PCDHGB2: variants seen among roughly 807,000 people sequenced by gnomAD.
PCDHGB2 encodes protocadherin gamma-B2.
In PCDHGB2, 55 loss-of-function variants were observed where a neutral mutation model predicts 59.3. The ratio of observed to expected loss-of-function variants is 0.93; its 90% CI spans 0.75 to 1.16. The LOEUF is 1.16. Among genes scored for constraint, PCDHGB2 ranks in the 50% most tolerant of loss-of-function variants. The pLI is 0.00. For synonymous variants in PCDHGB2, 516 were observed against 512.0 expected (o/e 1.01, Z -0.11); for missense variants, 1,228 against 1,198.5 (o/e 1.02, Z -0.36).
chr5:141,475,213 G>C (rs1359120020), intron 1 of PCDHGB2, among the ~76,000 whole-genome samples: 2 of 152,170 alleles, frequency 1.3e-5, no homozygotes, highest in African/African-American at 4.8e-5. Context: ...GAAAAGGATT[G>C]ATCAAGTAAA....
At chr5:141,395,497 A>T in intron 1 of PCDHGB2, 1 of 472,724 alleles carries the variant, frequency 2.1e-6, no homozygotes, top group Non-Finnish European at 3.7e-6. Flanking sequence ...TCACTCATTC[A>T]CTTAAGAAGT....
rs562011010 is a variant in PCDHGB2, at chr5:141,427,600, G to A, written c.2421+65044G>A. On this transcript the variant is annotated intron_variant, in intron 1 of 3. Coordinates refer to ENST00000522605, the MANE Select transcript of PCDHGB2 (RefSeq NM_018923.3). ...TCATCCAGCACAAGCCTCACCCTAC[G>A]CATTGGTGAAGTCAACGACAATGCT... The A allele has an allele frequency of 6.7e-5, 46 of 683,296 alleles. 1 individual carries two copies. The East Asian group carries it at 1.2e-3, about 18-fold the overall frequency. 42.3% of individuals were successfully genotyped at this position (683,296 alleles called of 1,614,324 possible). A position where few individuals can be genotyped will look rare whatever the true frequency, so the allele number is the denominator to read the frequency against.
intron 1 of PCDHGB2, chr5:141,388,880 G>T: frequency 1.2e-6 from 2 of 1,613,982 alleles, no homozygotes; most frequent in Non-Finnish European, 1.7e-6. Flanking sequence ...GCACAGTGGA[G>T]GTAGAAGTCA....
At position 141,492,010 on chromosome 5, in the gene PCDHGB2, G is replaced by A. The variant is rs2099736138; in HGVS notation, c.2422-2797G>A. 2 of 617,370 alleles carry A rather than the reference G, an allele frequency of 3.2e-6. 1 individual carries two copies. Among genetic ancestry groups the A allele is most frequent in the Middle Eastern group, 8.7e-4 (2 of 2,312 alleles). The allele number at this position is 617,370 out of a possible 1,614,324, so 38.2% of individuals were successfully genotyped here. On this transcript the variant is annotated intron_variant, in intron 1 of 3. Transcript: ENST00000522605. Reference sequence around the variant, plus strand: ...GGTGAATTTCGGGCGATTTCCGCGGGTGTCGGGGGTCCCGGGAGGAGGCAG... The same window carrying A: ...GGTGAATTTCGGGCGATTTCCGCGGATGTCGGGGGTCCCGGGAGGAGGCAG...
At chr5:141,419,702 G>T (rs116279995) in intron 1 of PCDHGB2, 2 of 1,612,834 alleles carry the variant, frequency 1.2e-6, no homozygotes, top group East Asian at 4.5e-5. Context: ...CAGTGAGCCC[G>T]GGCTCTTCAG....
intron 1 of PCDHGB2, chr5:141,389,169 C>G: frequency 6.2e-7 from 1 of 1,614,028 alleles, no homozygotes; most frequent in African/African-American, 1.3e-5. Flanking sequence ...GGGCAAGCCT[C>G]CCCTCTCCTC....
Position 141,360,274 on chromosome 5 carries a change from G to A in PCDHGB2, c.139G>A (p.Val47Ile). The A allele has an allele frequency of 6.2e-7, 1 of 1,613,924 alleles. No homozygotes were observed. The change falls in exon 1 of 4, where the codon GTA becomes ATA. Residue 47 changes from valine (V) to isoleucine (I), a missense_variant. Val to Ile is a conservative substitution (Grantham distance 29). Coordinates refer to ENST00000522605, the MANE Select transcript of PCDHGB2 (RefSeq NM_018923.3). Reference sequence around the variant, plus strand: ...AGAGGAGCTGGCCAAAAACTCGGTCGTAGGAAACCTCGCCAAGGATCTGGG... The same window carrying A: ...AGAGGAGCTGGCCAAAAACTCGGTCATAGGAAACCTCGCCAAGGATCTGGG... ...IPEELAKNSV[V>I]GNLAKDLGLS...
rs1439786491 is a variant in PCDHGB2 at position 141,399,634 on chromosome 5, A to G, written c.2421+37078A>G. 9 of 1,613,742 alleles carry G rather than the reference A, an allele frequency of 5.6e-6. No individual in the cohort carries two copies. The highest frequency in any genetic ancestry group is 1.3e-5 in the African/African-American group (1 of 74,954). On this transcript the variant is annotated intron_variant, in intron 1 of 3. Transcript: ENST00000522605. ...TCTGGCACTGGCCTCTTACGTGTCC[A>G]TGAGCGCGCAAAGTGGGGTGGTGTT...
chr5:141,496,377 G>A (rs1413938730), intron 2 of PCDHGB2, among the ~76,000 whole-genome samples: 1 of 152,114 alleles, frequency 6.6e-6, no homozygotes, highest in Non-Finnish European at 1.5e-5. Flanking sequence ...CAGGAGCTTG[G>A]GCCACCTTAC....
At chr5:141,409,723 G>T (rs781363259) in intron 1 of PCDHGB2, 1 of 1,613,154 alleles carries the variant, frequency 6.2e-7, no homozygotes, top group Non-Finnish European at 8.5e-7. Flanking sequence ...ACGTGTCAGT[G>T]AGCGCGCAGA....
At chr5:141,365,319 G>C (rs745669256) in intron 1 of PCDHGB2, 34 of 1,613,864 alleles carry the variant, frequency 2.1e-5, no homozygotes, top group Non-Finnish European at 2.9e-5. Flanking sequence ...CTTGTTGCCA[G>C]CGCTAAGGTG....
intron 1 of PCDHGB2, chr5:141,388,748 C>T: frequency 6.2e-7 from 1 of 1,613,928 alleles, no homozygotes; most frequent in Non-Finnish European, 8.5e-7. Flanking sequence ...GCCAGATCAC[C>T]CAATTTGACC....
intron 1 of PCDHGB2, chr5:141,372,262 C>T (rs1288257660): frequency 6.2e-7 from 1 of 1,613,106 alleles, no homozygotes; most frequent in Non-Finnish European, 8.5e-7. Flanking sequence ...GGCCTGCGCA[C>T]GGGTGAGGTG....
At chr5:141,500,116 C>T (rs1458562489) in intron 2 of PCDHGB2, among the ~76,000 whole-genome samples, 4 of 149,046 alleles carry the variant, frequency 2.7e-5, no homozygotes, top group Admixed American at 2.0e-4. Context: ...GAATCCCTGC[C>T]TTTTCATATA....
intron 1 of PCDHGB2, chr5:141,419,377 C>T: frequency 6.2e-6 from 10 of 1,613,690 alleles, no homozygotes; most frequent in Admixed American, 3.3e-5. Flanking sequence ...CCTACGTGTC[C>T]GTGAGCGCGC....
rs1048686904 is a variant in PCDHGB2, at chr5:141,410,286, C to T, written c.2421+47730C>T. 3.7e-6 allele frequency: 6 copies of T among 1,613,916 alleles called. No homozygotes were observed. The African/African-American group carries it at 6.7e-5, about 18-fold the overall frequency. On this transcript the variant is annotated intron_variant, in intron 1 of 3. Transcript: ENST00000522605. Reference sequence around the variant, plus strand: ...GAACTGCAGTTTTACCTGGTGGTGGCCTTGGCCTTAATCTCAGTGCTCTTC... The same window carrying T: ...GAACTGCAGTTTTACCTGGTGGTGGTCTTGGCCTTAATCTCAGTGCTCTTC...
chr5:141,396,112 A>G (rs916569843), intron 1 of PCDHGB2: 4 of 152,232 alleles, frequency 2.6e-5, no homozygotes, highest in Non-Finnish European at 2.9e-5. Flanking sequence ...TTAAGAACCA[A>G]TGTTTCAGGT....
intron 1 of PCDHGB2, chr5:141,478,153 T>G (rs1477175391): frequency 3.1e-6 from 5 of 1,613,934 alleles, no homozygotes; most frequent in Middle Eastern, 1.6e-4. Flanking sequence ...AGTTCCCCTC[T>G]GGCTCTGCCC....
intron 3 of PCDHGB2, among the ~76,000 whole-genome samples, chr5:141,509,398 G>A (rs1218925417): frequency 6.6e-6 from 1 of 152,106 alleles, no homozygotes; most frequent in Admixed American, 6.5e-5. Context: ...GGATCTCAGG[G>A]CCTCCAGCAG....
Sources: allele counts gnomAD v4.1 joint callset (sites outside exome capture counted in the v4.1 genomes callset), GRCh38; gene constraint gnomAD v4.1.1; transcripts MANE v1.5; gene names NCBI Gene and HGNC (gene_info 2026-07-23, HGNC 2026-07-21).